CMTR1: variants seen among roughly 807,000 people sequenced by gnomAD.
The protein encoded by CMTR1 is cap methyltransferase 1, also known as cap-specific mRNA (nucleoside-2'-O-)-methyltransferase 1.
Under a neutral mutation model 107.0 loss-of-function variants are expected in CMTR1, and 39 were observed. That is an observed-to-expected ratio of 0.36 (90% CI 0.28 to 0.48). CMTR1 has a LOEUF of 0.48. Among genes scored for constraint, CMTR1 ranks in the 20% least tolerant of loss-of-function variants. The probability of loss-of-function intolerance (pLI) is 0.99; values close to 1 mark genes in which losing one functional copy is unlikely to be tolerated. For synonymous variants in CMTR1, 366 were observed against 379.5 expected (o/e 0.96, Z 0.41); for missense variants, 672 against 1,064.9 (o/e 0.63, Z 5.14).
chr6:37,472,199 C>A lies in CMTR1; in HGVS notation c.1621-220C>A, dbSNP rs1000350977. Among the ~76,000 whole-genome samples, 8 of 152,070 alleles carry A rather than the reference C, an allele frequency of 5.3e-5. No individual in the cohort carries two copies. The highest frequency in any genetic ancestry group is 1.9e-4 in the African/African-American group (8 of 41,400). ...TTGTAGCAGCACTGACAACAGAGAGCCCCAGAGAAAAGGAAGTAGCCTTTG... is the reference window on the plus strand; with the variant it reads ...TTGTAGCAGCACTGACAACAGAGAGACCCAGAGAAAAGGAAGTAGCCTTTG... On this transcript the variant is annotated intron_variant, in intron 15 of 23. Coordinates refer to ENST00000373451, the MANE Select transcript of CMTR1 (RefSeq NM_015050.3). This position sits in a 1 kb window ranked among gnomAD's most constrained non-coding sequence, Gnocchi z 4.1.
chr6:37,457,823 G>A (rs1761327120), intron 8 of CMTR1, among the ~76,000 whole-genome samples: 1 of 152,148 alleles, frequency 6.6e-6, no homozygotes, highest in African/African-American at 2.4e-5. Flanking sequence ...GAGCCCCCCA[G>A]CCTTTGGTTG....
Position 37,479,123 on chromosome 6 carries a change from T to C in CMTR1, c.2267-24T>C, listed in dbSNP as rs377281725. The C allele has an allele frequency of 2.2e-5, 34 of 1,561,290 alleles. No individual in the cohort carries two copies. The African/African-American group carries it at 4.5e-4, about 21-fold the overall frequency. ...CAAGTGCTTTGTGTCCCTTCTGGGC[T>C]TCATCCCCTCTTCCTCCCATCAGAG... On this transcript the variant is annotated intron_variant, in intron 22 of 23. Transcript: ENST00000373451.
upstream of CMTR1, among the ~76,000 whole-genome samples, chr6:37,431,047 C>T (rs1021419864): frequency 3.5e-4 from 51 of 147,184 alleles, no homozygotes; most frequent in East Asian, 6.2e-3. Flanking sequence ...ATTCAAAGTT[C>T]GTGTTTCCCT....
chr6:37,426,673 A>ACAAGCATGCAC, the CMTR1 span, among the ~76,000 whole-genome samples: 1 of 152,058 alleles, frequency 6.6e-6, no homozygotes, highest in East Asian at 1.9e-4. Context: ...AGCTGGGATT[A>ACAAGCATGCAC]CAAGCATGCA....
In CMTR1 at chr6:37,480,806, A is replaced by G. The variant is rs906637888; in HGVS notation, c.*661A>G. 2.7e-6 allele frequency: 3 copies of G among 1,124,976 alleles called. No individual in the cohort carries two copies. The highest frequency in any genetic ancestry group is 4.4e-5 in the Admixed American group (1 of 22,722). The allele number at this position is 1,124,976 out of a possible 1,614,324, so 69.7% of individuals were successfully genotyped here. On this transcript the variant is annotated 3_prime_UTR_variant, in exon 24 of 24. Coordinates refer to ENST00000373451, the MANE Select transcript of CMTR1 (RefSeq NM_015050.3). ...GAGTTTGGGCAAACTCTCATCCCTG[A>G]TACCACATTGAGATCCTGGGAGCCC...
At chr6:37,478,363 C>T (rs530374755) in intron 21 of CMTR1, 46 bp from the exon 22 acceptor site, 26 of 1,435,074 alleles carry the variant, frequency 1.8e-5, no homozygotes, top group African/African-American at 1.5e-4. Flanking sequence ...ATTTTATCAG[C>T]CAGGGCCTTT....
chr6:37,448,724 C>T (rs183430022), intron 4 of CMTR1, among the ~76,000 whole-genome samples: 27 of 152,310 alleles, frequency 1.8e-4, no homozygotes, highest in African/African-American at 6.3e-4. Flanking sequence ...TGGTGAATCT[C>T]TTCTCCACAC....
In CMTR1 at chr6:37,480,901, C is replaced by T; in HGVS notation, c.*756C>T. 1 of 1,202,434 alleles carries T rather than the reference C, an allele frequency of 8.3e-7. No homozygotes were observed. Among genetic ancestry groups the T allele is most frequent in the Non-Finnish European group, 1.1e-6 (1 of 950,160 alleles). 74.5% of individuals were successfully genotyped at this position (1,202,434 alleles called of 1,614,324 possible). On this transcript the variant is annotated 3_prime_UTR_variant, in exon 24 of 24. Transcript: ENST00000373451. ...ATCCCCTTTTGGTCCAAACATTGGGCAGCGCTAGATGGCAGGAAGCAGCCT... is the reference window on the plus strand; with the variant it reads ...ATCCCCTTTTGGTCCAAACATTGGGTAGCGCTAGATGGCAGGAAGCAGCCT...
At chr6:37,456,712 G>A (rs1280178341) in intron 8 of CMTR1, among the ~76,000 whole-genome samples, 1 of 152,142 alleles carries the variant, frequency 6.6e-6, no homozygotes, top group Non-Finnish European at 1.5e-5. Context: ...CATGGTCTGA[G>A]GCCAACTATA....
intron 21 of CMTR1, 96 bp downstream of exon 21, chr6:37,477,735 C>CGGGGGGGGGGG: frequency 5.4e-6 from 2 of 373,514 alleles, no homozygotes; most frequent in Non-Finnish European, 9.2e-6. Flanking sequence ...GGGTCGGGGG[C>CGGGGGGGGGGG]GGGGGGTGGT....
upstream of CMTR1, among the ~76,000 whole-genome samples, chr6:37,430,417 T>C (rs1475418762): frequency 6.6e-6 from 1 of 151,838 alleles, no homozygotes; most frequent in African/African-American, 2.4e-5. Context: ...TGTGTATATA[T>C]ATATATAAGA....
In CMTR1 at chr6:37,473,517, T is replaced by C. The variant is rs1761670238; in HGVS notation, c.1737T>C (p.Ser579=). The change falls in exon 17 of 24, where the codon TCT becomes TCC. Residue 579 remains serine (S), a synonymous_variant. Transcript: ENST00000373451. ...GCTACAAGCCCACACTGCTCACCTCTAAAACCCTGGAGAAGATCCGCCCTG... is the reference window on the plus strand; with the variant it reads ...GCTACAAGCCCACACTGCTCACCTCCAAAACCCTGGAGAAGATCCGCCCTG... ...IFSYKPTLLT[S]KTLEKIRPVF... The C allele has an allele frequency of 6.2e-7, 1 of 1,614,032 alleles. No homozygotes were observed. The highest frequency in any genetic ancestry group is 8.5e-7 in the Non-Finnish European group (1 of 1,180,020).
upstream of CMTR1, among the ~76,000 whole-genome samples, chr6:37,429,972 CAAGTT>C (rs1771340923): frequency 6.6e-6 from 1 of 151,764 alleles, no homozygotes; most frequent in Non-Finnish European, 1.5e-5. Flanking sequence ...AATATACTCT[CAAGTT>C]AGGTTACAGT....
At chr6:37,439,896 C>T (rs1279387632) in intron 2 of CMTR1, among the ~76,000 whole-genome samples, 1 of 152,130 alleles carries the variant, frequency 6.6e-6, no homozygotes, top group Non-Finnish European at 1.5e-5. Context: ...ATCTTCCTAC[C>T]TCAGCCTCCC....
At chr6:37,434,062 A>T (rs1336866564) in intron 1 of CMTR1, among the ~76,000 whole-genome samples, 3 of 152,322 alleles carry the variant, frequency 2.0e-5, no homozygotes, top group Admixed American at 1.3e-4. Context: ...GCTAGAAGCA[A>T]GCTCTGTGAT....
chr6:37,481,418 G>C lies in CMTR1; in HGVS notation c.*1273G>C, dbSNP rs540188386. On this transcript the variant is annotated 3_prime_UTR_variant, in exon 24 of 24. Coordinates refer to ENST00000373451, the MANE Select transcript of CMTR1 (RefSeq NM_015050.3). ...GCTCCCCACCCCCAGGCTGGCAGTAGCACTGCTGAGATGCTGTATTTCCAC... is the reference window on the plus strand; with the variant it reads ...GCTCCCCACCCCCAGGCTGGCAGTACCACTGCTGAGATGCTGTATTTCCAC... 160 of 1,183,116 alleles carry C rather than the reference G, an allele frequency of 1.4e-4. No homozygotes were observed. The highest frequency in any genetic ancestry group is 1.6e-4 in the Non-Finnish European group (151 of 939,836). 73.3% of individuals were successfully genotyped at this position (1,183,116 alleles called of 1,614,324 possible).
At chr6:37,445,935 T>G (rs1218756817) in intron 3 of CMTR1, among the ~76,000 whole-genome samples, 1 of 152,210 alleles carries the variant, frequency 6.6e-6, no homozygotes, top group Non-Finnish European at 1.5e-5. Flanking sequence ...TTTTAAATTA[T>G]GTTCTCTTTA....
In CMTR1 at chr6:37,458,642, C is replaced by T; in HGVS notation, c.808C>T (p.Leu270Phe). 1 of 1,613,830 alleles carries T rather than the reference C, an allele frequency of 6.2e-7. No individual in the cohort carries two copies. Reference sequence around the variant, plus strand: ...ACTGGTGAAGGACCGGGAAGCTGAGCTTCTGTACTTTGCTGATGTCTGCGC... The same window carrying T: ...ACTGGTGAAGGACCGGGAAGCTGAGTTTCTGTACTTTGCTGATGTCTGCGC... Reference protein sequence around the residue: ...KPLVKDREAELLYFADVCAGP... With the variant: ...KPLVKDREAEFLYFADVCAGP... The change falls in exon 9 of 24, where the codon CTT becomes TTT. Residue 270 changes from leucine to phenylalanine, a missense_variant. By Grantham distance (22) the Leu-to-Phe change is conservative. This residue lies in a region of CMTR1 where 583 missense variants were observed against 968.4 expected (regional missense o/e 0.60). Transcript: ENST00000373451. This position sits in a 1 kb window ranked among gnomAD's most constrained non-coding sequence, Gnocchi z 4.7.
chr6:37,437,106 G>C (rs1258820623), intron 2 of CMTR1, among the ~76,000 whole-genome samples: 1 of 152,050 alleles, frequency 6.6e-6, no homozygotes, highest in Admixed American at 6.5e-5. Context: ...ATGTGGAGGT[G>C]TTCACGCCTT....
Sources: gnomAD v4.1 joint callset for allele counts (sites outside exome capture counted in the v4.1 genomes callset) on GRCh38, gnomAD v4.1.1 for gene constraint, gnomAD v4.1.1 regional missense constraint, Gnocchi (gnomAD v3.1) non-coding constraint, MANE v1.5 for transcripts, NCBI Gene and HGNC (gene_info 2026-07-23, HGNC 2026-07-21) for gene names.